CCSER2: variants seen among roughly 807,000 people sequenced by gnomAD.
CCSER2 encodes the protein serine-rich coiled-coil domain-containing protein 2.
A neutral mutation model predicts 92.3 loss-of-function variants in CCSER2; 46 were observed. The ratio of observed to expected loss-of-function variants is 0.50; its 90% confidence interval spans 0.39 to 0.64. The LOEUF (loss-of-function observed/expected upper bound fraction) is 0.64, where lower values mean the gene tolerates loss of function less well. Ranked by LOEUF, CCSER2 falls within the 30% of genes least tolerant of loss-of-function variation. CCSER2 has a pLI of 0.00. For synonymous variants in CCSER2, 433 were observed against 431.4 expected (o/e 1.00, Z -0.04); for missense variants, 1,244 against 1,238.9 (o/e 1.00, Z -0.06).
At chr10:84,459,574 G>A (rs1247557976) in intron 6 of CCSER2, among the ~76,000 whole-genome samples, 2 of 152,052 alleles carry the variant, frequency 1.3e-5, no homozygotes. Flanking sequence ...CCAGGCTGGA[G>A]TGCAGTGGCA....
chr10:84,398,055 C>T (rs1347731836), intron 3 of CCSER2, among the ~76,000 whole-genome samples: 1 of 152,166 alleles, frequency 6.6e-6, no homozygotes, highest in Non-Finnish European at 1.5e-5. Flanking sequence ...TCTTACTATC[C>T]TCTCTAGCTT....
chr10:84,336,818 G>T (rs1184549769), intron 1 of CCSER2, among the ~76,000 whole-genome samples: 1 of 150,414 alleles, frequency 6.6e-6, no homozygotes, highest in East Asian at 1.9e-4. Context: ...AGATTATTTA[G>T]CAGGCGCAGC....
intron 7 of CCSER2, among the ~76,000 whole-genome samples, chr10:84,464,789 G>A (rs1225281310): frequency 2.0e-5 from 3 of 152,196 alleles, no homozygotes; most frequent in Non-Finnish European, 4.4e-5. Context: ...TATTGTGCCA[G>A]TGGGAAGAGA....
At chr10:84,338,067 G>C (rs756954813) in intron 1 of CCSER2, among the ~76,000 whole-genome samples, 2 of 152,048 alleles carry the variant, frequency 1.3e-5, no homozygotes, top group Non-Finnish European at 2.9e-5. Context: ...GATCACCTGA[G>C]GTCAGGAGTT....
intron 6 of CCSER2, among the ~76,000 whole-genome samples, chr10:84,440,221 T>C (rs1221950784): frequency 6.6e-6 from 1 of 152,234 alleles, no homozygotes; most frequent in Non-Finnish European, 1.5e-5. Context: ...TTCTTTTCTG[T>C]CATTATGGCC....
At position 84,516,722 on chromosome 10, in the gene CCSER2, G is replaced by A. The variant is rs1425308211; in HGVS notation, c.*2455G>A. On this transcript the variant is annotated 3_prime_UTR_variant, in exon 10 of 10. Transcript: ENST00000372088. ...TATTTTTCTCTATTTTTTCCTCCATGTATTTACTCCATTTTTCTCTATTTT... is the reference window on the plus strand; with the variant it reads ...TATTTTTCTCTATTTTTTCCTCCATATATTTACTCCATTTTTCTCTATTTT... 1 of 151,992 alleles carries A rather than the reference G, an allele frequency of 6.6e-6. No individual in the cohort carries two copies. Among genetic ancestry groups the A allele is most frequent in the Non-Finnish European group, 1.5e-5 (1 of 67,976 alleles). 9.4% of individuals were successfully genotyped at this position (151,992 alleles called of 1,614,324 possible). A position where few individuals can be genotyped will look rare whatever the true frequency, so the allele number is the denominator to read the frequency against.
At chr10:84,428,685 AT>A (rs34715149) in intron 5 of CCSER2, among the ~76,000 whole-genome samples, 8,848 of 152,200 alleles carry the variant, frequency 0.058, 368 homozygotes, top group Admixed American at 0.1. Context: ...TGTTTCTGAT[AT>A]GGGGGGAAAA....
At chr10:84,353,740 T>C (rs1355394952) in intron 1 of CCSER2, among the ~76,000 whole-genome samples, 1 of 152,164 alleles carries the variant, frequency 6.6e-6, no homozygotes, top group Non-Finnish European at 1.5e-5. Flanking sequence ...TCTTTTCCCC[T>C]TTAGCATTTT....
In CCSER2 at chr10:84,483,164, G is replaced by A. The variant is rs563442336; in HGVS notation, c.2325+5500G>A. 1.6e-4 allele frequency among the ~76,000 whole-genome samples: 24 copies of A among 152,130 alleles called. No individual in the cohort carries two copies. The South Asian group carries it at 5.0e-3, about 32-fold the overall frequency. Reference sequence around the variant, plus strand: ...TCACAGCACTTTGGGAGGCTGAGGCGGGTGGATCACCGGAGGCTGGGAGTT... The same window carrying A: ...TCACAGCACTTTGGGAGGCTGAGGCAGGTGGATCACCGGAGGCTGGGAGTT... On this transcript the variant is annotated intron_variant, in intron 9 of 9. Coordinates refer to ENST00000372088, the MANE Select transcript of CCSER2 (RefSeq NM_001284240.2).
chr10:84,396,500 A>G (rs1273144440), intron 3 of CCSER2, among the ~76,000 whole-genome samples: 1 of 151,894 alleles, frequency 6.6e-6, no homozygotes. Context: ...ATTCATTTGT[A>G]ATACTTTTAG....
chr10:84,346,257 T>C (rs543884676), intron 1 of CCSER2, among the ~76,000 whole-genome samples: 1 of 151,908 alleles, frequency 6.6e-6, no homozygotes, highest in African/African-American at 2.4e-5. Context: ...AGAGACGGGG[T>C]TTCTCTATGT....
At chr10:84,367,793 G>T (rs1845858941) in intron 1 of CCSER2, among the ~76,000 whole-genome samples, 1 of 135,324 alleles carries the variant, frequency 7.4e-6, no homozygotes, top group Non-Finnish European at 1.6e-5. Flanking sequence ...TACCTGTTTT[G>T]TCTTTTCATC....
chr10:84,348,766 T>C (rs984083064), intron 1 of CCSER2, among the ~76,000 whole-genome samples: 1 of 152,162 alleles, frequency 6.6e-6, no homozygotes, highest in Non-Finnish European at 1.5e-5. Flanking sequence ...AATTTTATAC[T>C]CAGAGAAATG....
chr10:84,421,615 G>A (rs1843154340), intron 4 of CCSER2, among the ~76,000 whole-genome samples: 1 of 152,144 alleles, frequency 6.6e-6, no homozygotes, highest in Admixed American at 6.5e-5. Flanking sequence ...GCAATTTAAG[G>A]TGAGATTTGG....
chr10:84,469,971 T>C (rs112121949), intron 7 of CCSER2, among the ~76,000 whole-genome samples: 115 of 152,016 alleles, frequency 7.6e-4, no homozygotes, highest in African/African-American at 1.9e-3. Context: ...GCTACTCTTA[T>C]GTATCCCTTG....
chr10:84,371,140 A>C lies in CCSER2; in HGVS notation c.88A>C (p.Met30Leu). 6.2e-7 allele frequency: 1 copy of C among 1,613,426 alleles called. No homozygotes were observed. The highest frequency in any genetic ancestry group is 1.1e-5 in the South Asian group (1 of 90,848). The change falls in exon 2 of 10, where the codon ATG (methionine) becomes CTG (leucine). Residue 30 changes from methionine (M) to leucine (L), a missense_variant. Transcript: ENST00000372088. ...TKSVRSTLQP[M>L]PNGTPVNLLG... ...ATCTGTAAGAAGTACATTGCAGCCA[A>C]TGCCAAATGGGACACCTGTTAATTT... is the stretch of plus-strand genomic sequence containing the variant.
In CCSER2 at chr10:84,515,767, A is replaced by G. The variant is rs1397204819; in HGVS notation, c.*1500A>G. 6.6e-6 allele frequency: 1 copy of G among 152,200 alleles called. No individual in the cohort carries two copies. Among genetic ancestry groups the G allele is most frequent in the African/African-American group, 2.4e-5 (1 of 41,452 alleles). The allele number at this position is 152,200 out of a possible 1,614,324, so 9.4% of individuals were successfully genotyped here. ...GAAAAAAATAGAATTGAAGATGGGAAATTTTGTTTTATTAAAAAGGTGCTA... is the reference window on the plus strand; with the variant it reads ...GAAAAAAATAGAATTGAAGATGGGAGATTTTGTTTTATTAAAAAGGTGCTA... On this transcript the variant is annotated 3_prime_UTR_variant, in exon 10 of 10. Coordinates refer to ENST00000372088, the MANE Select transcript of CCSER2 (RefSeq NM_001284240.2).
chr10:84,356,361 CT>C (rs1180274215), intron 1 of CCSER2, among the ~76,000 whole-genome samples: 1 of 152,030 alleles, frequency 6.6e-6, no homozygotes, highest in Non-Finnish European at 1.5e-5. Context: ...AGGATTTTTA[CT>C]TTTAAAAAAT....
intron 9 of CCSER2, among the ~76,000 whole-genome samples, chr10:84,489,918 C>G (rs982975952): frequency 6.6e-6 from 1 of 152,130 alleles, no homozygotes; most frequent in Non-Finnish European, 1.5e-5. Flanking sequence ...TTCAGGAGCT[C>G]TTTTAGGGCA....
Sources: gnomAD v4.1 joint callset for allele counts (sites outside exome capture counted in the v4.1 genomes callset) on GRCh38, gnomAD v4.1.1 for gene constraint, MANE v1.5 for transcripts, NCBI Gene and HGNC (gene_info 2026-07-23, HGNC 2026-07-21) for gene names.